Variants in CALB1 observed in about 807,000 individuals in gnomAD.
CALB1 encodes calbindin 1.
In CALB1, 16 loss-of-function variants were observed where a neutral mutation model predicts 46.7. The observed-to-expected ratio is 0.34, with a 90% CI of 0.23 to 0.52. The LOEUF is 0.52. Among genes scored for constraint, CALB1 ranks in the 20% least tolerant of loss-of-function variants. The pLI is 0.95. For missense variants in CALB1, 224 were observed against 300.3 expected, an observed-to-expected ratio of 0.75 and a Z score of 1.88; for synonymous variants, 90 against 112.8, an observed-to-expected ratio of 0.80 and a Z score of 1.28.
In CALB1 at chr8:90,082,765, G is replaced by A; in HGVS notation, c.-68C>T. The stretch of plus-strand genomic sequence containing the variant: ...TCTGTGTCCGCGCGAGGGGGAGTGA[G>A]CAAAAGCTCAGCGTGTGCGCGAGTC... On this transcript the variant is annotated 5_prime_UTR_variant, in exon 1 of 11. Coordinates refer to ENST00000265431, the MANE Select transcript of CALB1 (RefSeq NM_004929.4). 1.4e-6 allele frequency: 2 copies of A among 1,442,702 alleles called. No homozygotes were observed. Among genetic ancestry groups the A allele is most frequent in the Non-Finnish European group, 2.0e-6 (2 of 1,024,474 alleles). The allele number at this position is 1,442,702 out of a possible 1,614,324, so 89.4% of individuals were successfully genotyped here.
At chr8:90,078,872 C>A (rs949211002) in intron 2 of CALB1, among the ~76,000 whole-genome samples, 1 of 151,826 alleles carries the variant, frequency 6.6e-6, no homozygotes, top group African/African-American at 2.4e-5. Context: ...AATGTTTTAT[C>A]TATGGAGAGT....
At chr8:90,071,748 T>C (rs1410287433) in intron 3 of CALB1, among the ~76,000 whole-genome samples, 1 of 152,156 alleles carries the variant, frequency 6.6e-6, no homozygotes, top group African/African-American at 2.4e-5. Context: ...ATATAGAAGG[T>C]CTAGCCACAT....
Position 90,078,372 on chromosome 8 carries a change from C to T in CALB1, c.231+1G>A. 1 of 1,559,576 alleles carries T rather than the reference C, an allele frequency of 6.4e-7. No homozygotes were observed. Among genetic ancestry groups the T allele is most frequent in the Non-Finnish European group, 8.8e-7 (1 of 1,142,282 alleles). On this transcript the variant is annotated splice_donor_variant, in intron 3 of 10. Coordinates refer to ENST00000265431, the MANE Select transcript of CALB1 (RefSeq NM_004929.4). LOFTEE classifies it high-confidence loss of function. ...ATCAGAAAAATGCATAAATTCCTTA[C>T]CTCTACAATTCCTATTTTTCCATCA...
At chr8:90,068,887 C>T in intron 5 of CALB1, 111 bp downstream of exon 5, 1 of 692,142 alleles carries the variant, frequency 1.4e-6, no homozygotes, top group Non-Finnish European at 2.4e-6. Context: ...GAAAATGTGA[C>T]ACTGTTCAAC....
At chr8:90,078,604 G>A (rs566569529) in intron 2 of CALB1, among the ~76,000 whole-genome samples, 157 bp from the exon 3 acceptor site, 5 of 152,072 alleles carry the variant, frequency 3.3e-5, no homozygotes, top group Admixed American at 1.3e-4. Context: ...AGGCATAACT[G>A]ATACACAGTA....
chr8:90,071,688 T>C (rs1013495960), intron 3 of CALB1, among the ~76,000 whole-genome samples: 2 of 152,134 alleles, frequency 1.3e-5, no homozygotes, highest in African/African-American at 4.8e-5. Context: ...GAGGGAAAGA[T>C]TGAACAATGG....
At chr8:90,076,981 A>C (rs1469115003) in intron 3 of CALB1, among the ~76,000 whole-genome samples, 1 of 152,026 alleles carries the variant, frequency 6.6e-6, no homozygotes, top group African/African-American at 2.4e-5. Flanking sequence ...GAAGTATGTT[A>C]AATGTAAGGT....
chr8:90,070,859 T>TGTGA (rs1554578981), intron 3 of CALB1, among the ~76,000 whole-genome samples: 34 of 122,794 alleles, frequency 2.8e-4, no homozygotes, highest in African/African-American at 9.5e-4. Context: ...TGTGTGTGTG[T>TGTGA]GTGTGTGTGT....
chr8:90,070,971 ATACCT>A (rs1435007933), intron 3 of CALB1, among the ~76,000 whole-genome samples: 1 of 152,094 alleles, frequency 6.6e-6, no homozygotes, highest in Non-Finnish European at 1.5e-5. Context: ...ATAAAATTCT[ATACCT>A]CAGAAATAAC....
At chr8:90,065,584 G>A (rs1335392824) in intron 6 of CALB1, among the ~76,000 whole-genome samples, 1 of 151,680 alleles carries the variant, frequency 6.6e-6, no homozygotes, top group Non-Finnish European at 1.5e-5. Flanking sequence ...ATATGTGTAA[G>A]TTATATAATT....
At position 90,069,185 on chromosome 8, in the gene CALB1, T is replaced by C; in HGVS notation, c.284A>G (p.Gln95Arg). ...EENFLLLFRCQQLKSCEEFMK... is the reference protein window; with the variant it reads ...EENFLLLFRCRQLKSCEEFMK... Reference sequence around the variant, plus strand: ...GAATTCCTCACAGGACTTCAGCTGCTGGCATCGGAAGAGCAGCAGGAAATT... The same window carrying C: ...GAATTCCTCACAGGACTTCAGCTGCCGGCATCGGAAGAGCAGCAGGAAATT... Residue 95 changes from glutamine to arginine, a missense_variant, in exon 4 of 11, where the codon CAG becomes CGG. Physicochemically the swap from Gln to Arg is conservative, Grantham distance 43. Transcript: ENST00000265431. 1 of 1,614,100 alleles carries C rather than the reference T, an allele frequency of 6.2e-7. No homozygotes were observed. The highest frequency in any genetic ancestry group is 8.5e-7 in the Non-Finnish European group (1 of 1,179,950).
rs554686281 is a variant in CALB1 at position 90,082,801 on chromosome 8, A to C, written c.-104T>G. On this transcript the variant is annotated 5_prime_UTR_variant, in exon 1 of 11. Coordinates refer to ENST00000265431, the MANE Select transcript of CALB1 (RefSeq NM_004929.4). ...GCGTGTGCGCGAGTCAGGGCTGCGG[A>C]GGGAGACCTGGGCGCGGGCGCTGCC... 1.7e-6 allele frequency: 2 copies of C among 1,144,042 alleles called. No individual in the cohort carries two copies. Among genetic ancestry groups the C allele is most frequent in the African/African-American group, 3.0e-5 (2 of 65,600 alleles). 70.9% of individuals were successfully genotyped at this position (1,144,042 alleles called of 1,614,324 possible).
intron 3 of CALB1, among the ~76,000 whole-genome samples, chr8:90,073,320 C>A (rs1455725622): frequency 6.6e-6 from 1 of 152,026 alleles, no homozygotes; most frequent in Non-Finnish European, 1.5e-5. Context: ...ACCTGTGAGG[C>A]CCCATTGAAG....
chr8:90,079,535 T>C (rs1428031669), intron 2 of CALB1, among the ~76,000 whole-genome samples: 1 of 151,990 alleles, frequency 6.6e-6, no homozygotes, highest in Non-Finnish European at 1.5e-5. Context: ...AGTTTTTTTA[T>C]TTTTACATAC....
Position 90,082,050 on chromosome 8 carries a change from C to T in CALB1, c.132G>A (p.Gln44=). ...KELQNLIQEL[Q]QARKKAGLEL... is the part of the protein sequence containing the mutation. The stretch of plus-strand genomic sequence containing the variant: ...CCAATCCAGCCTTCTTTCGCGCCTG[C>T]TGGAGCTCCTGGATCAAGTTCTGCA... The change falls in exon 2 of 11, where the codon CAG becomes CAA. Residue 44 remains glutamine, a synonymous_variant. Coordinates refer to ENST00000265431, the MANE Select transcript of CALB1 (RefSeq NM_004929.4). 6.2e-7 allele frequency: 1 copy of T among 1,614,056 alleles called. No individual in the cohort carries two copies. Among genetic ancestry groups the T allele is most frequent in the Non-Finnish European group, 8.5e-7 (1 of 1,179,968 alleles).
chr8:90,059,002 A>T lies in CALB1; in HGVS notation c.*1171T>A, dbSNP rs148552007. On this transcript the variant is annotated 3_prime_UTR_variant, in exon 11 of 11. Transcript: ENST00000265431. The stretch of plus-strand genomic sequence containing the variant: ...AGGATATTCTAGCTACAAATATGTG[A>T]AACTGACTTAGATGTATGTTAAAGA... The T allele has an allele frequency of 1.2e-4, 19 of 152,366 alleles. No homozygotes were observed. The East Asian group carries it at 3.5e-3, about 28-fold the overall frequency. The allele number at this position is 152,366 out of a possible 1,614,324, so 9.4% of individuals were successfully genotyped here. A position where few individuals can be genotyped will look rare whatever the true frequency, so the allele number is the denominator to read the frequency against.
At chr8:90,081,515 G>T in intron 2 of CALB1, 1 of 964,878 alleles carries the variant, frequency 1.0e-6, no homozygotes, top group Non-Finnish European at 1.2e-6. Context: ...CTGCAGATCT[G>T]TTTCTTGACC....
At chr8:90,078,488 A>T (rs1311492900) in intron 2 of CALB1, 41 bp from the exon 3 acceptor site, 2 of 1,144,674 alleles carry the variant, frequency 1.7e-6, no homozygotes, top group African/African-American at 1.6e-5. Flanking sequence ...TGTTAAAAAA[A>T]TACCAGTTAT....
intron 3 of CALB1, among the ~76,000 whole-genome samples, chr8:90,069,764 CAA>C (rs1163344045): frequency 6.6e-6 from 1 of 152,062 alleles, no homozygotes; most frequent in East Asian, 1.9e-4. Context: ...GAAGATAAAC[CAA>C]AGACAATCGT....
Sources: allele counts gnomAD v4.1 joint callset (sites outside exome capture counted in the v4.1 genomes callset), GRCh38; gene constraint gnomAD v4.1.1; transcripts MANE v1.5; gene names NCBI Gene and HGNC (gene_info 2026-07-23, HGNC 2026-07-21).